ROBO2: variants seen among roughly 807,000 people sequenced by gnomAD.
The protein encoded by ROBO2 is roundabout guidance receptor 2.
ROBO2 carries 53 observed loss-of-function variants against 160.8 expected under a neutral mutation model. The ratio of observed to expected loss-of-function variants is 0.33; its 90% CI spans 0.26 to 0.41. The LOEUF is 0.41. Ranked by LOEUF, ROBO2 falls within the 10% of genes least tolerant of loss-of-function variation. The probability of loss-of-function intolerance (pLI) is 1.00; values close to 1 mark genes in which losing one functional copy is unlikely to be tolerated. For synonymous variants in ROBO2, 664 were observed against 611.7 expected (o/e 1.09, Z -1.26); for missense variants, 1,577 against 1,722.4 (o/e 0.92, Z 1.49).
At chr3:76,977,647 A>G (rs1427116579) in intron 2 of ROBO2, among the ~76,000 whole-genome samples, 2 of 152,238 alleles carry the variant, frequency 1.3e-5, no homozygotes, top group African/African-American at 2.4e-5. Context: ...TTCATTATTA[A>G]ACTTCTGATA....
At chr3:77,457,558 A>G (rs142499680) in intron 2 of ROBO2, among the ~76,000 whole-genome samples, 1 of 152,244 alleles carries the variant, frequency 6.6e-6, no homozygotes, top group African/African-American at 2.4e-5. Flanking sequence ...CTTGATCGGT[A>G]TTATATTAGA....
At chr3:76,328,776 G>C (rs2073231472) in intron 2 of ROBO2, among the ~76,000 whole-genome samples, 1 of 151,940 alleles carries the variant, frequency 6.6e-6, no homozygotes, top group South Asian at 2.1e-4. Context: ...GGAGACTGGC[G>C]TGAACCCGGG....
chr3:76,643,012 G>C (rs2090778374), intron 2 of ROBO2, among the ~76,000 whole-genome samples: 1 of 152,134 alleles, frequency 6.6e-6, no homozygotes, highest in African/African-American at 2.4e-5. Context: ...TGCAAAGAAG[G>C]CTTCAGGTGG....
intron 2 of ROBO2, among the ~76,000 whole-genome samples, chr3:76,081,741 A>T (rs1456758803): frequency 6.6e-6 from 1 of 152,016 alleles, no homozygotes; most frequent in African/African-American, 2.4e-5. Flanking sequence ...TGTCCTTTAA[A>T]GGCCTGTAGG....
At chr3:77,507,990 CA>C (rs2088817207) in intron 5 of ROBO2, among the ~76,000 whole-genome samples, 1 of 151,746 alleles carries the variant, frequency 6.6e-6, no homozygotes, top group African/African-American at 2.4e-5. Flanking sequence ...ATATTAAGGA[CA>C]ATAATGAAAA....
At chr3:75,989,069 T>C (rs892017064) in intron 2 of ROBO2, among the ~76,000 whole-genome samples, 2 of 152,166 alleles carry the variant, frequency 1.3e-5, no homozygotes, top group African/African-American at 4.8e-5. Context: ...TGCTACTCTT[T>C]ATATTTCCAT....
chr3:77,442,229 G>A (rs933440036), intron 2 of ROBO2, among the ~76,000 whole-genome samples: 2 of 151,882 alleles, frequency 1.3e-5, no homozygotes, highest in African/African-American at 2.4e-5. Context: ...GGAGAATGGC[G>A]TGAACCCGGG....
intron 2 of ROBO2, among the ~76,000 whole-genome samples, chr3:77,124,370 T>A (rs1001467011): frequency 2.0e-5 from 3 of 152,112 alleles, no homozygotes; most frequent in African/African-American, 7.2e-5. Context: ...GTAGCGTTTT[T>A]GGACTGTGAG....
intron 22 of ROBO2, among the ~76,000 whole-genome samples, chr3:77,622,025 GT>G (rs2094912402): frequency 6.6e-6 from 1 of 151,976 alleles, no homozygotes; most frequent in Non-Finnish European, 1.5e-5. Flanking sequence ...CAAGTGAAGA[GT>G]TTAATGGTTT....
chr3:76,362,994 G>A (rs7638155), intron 2 of ROBO2, among the ~76,000 whole-genome samples: 19,738 of 151,886 alleles, frequency 0.13, 1,555 homozygotes, highest in African/African-American at 0.22. Flanking sequence ...TTATTTCGAT[G>A]TTTCTTTTTT....
chr3:77,253,160 A>G (rs1395919410), intron 2 of ROBO2, among the ~76,000 whole-genome samples: 3 of 152,046 alleles, frequency 2.0e-5, no homozygotes. Flanking sequence ...TGATTCTGTA[A>G]AAAGTGGATT....
chr3:77,369,249 G>A (rs1006685281), intron 2 of ROBO2, among the ~76,000 whole-genome samples: 5 of 152,140 alleles, frequency 3.3e-5, no homozygotes, highest in African/African-American at 1.2e-4. Flanking sequence ...TTGTTCAAGT[G>A]AGGTGCCTTG....
chr3:76,507,869 G>A (rs1008085024), intron 2 of ROBO2, among the ~76,000 whole-genome samples: 1 of 152,052 alleles, frequency 6.6e-6, no homozygotes, highest in African/African-American at 2.4e-5. Flanking sequence ...TCTCTGATCT[G>A]TCTCTTTCAT....
intron 2 of ROBO2, among the ~76,000 whole-genome samples, chr3:76,136,964 T>C (rs544508036): frequency 6.6e-6 from 1 of 152,076 alleles, no homozygotes; most frequent in Admixed American, 6.6e-5. Flanking sequence ...TGGATTATCA[T>C]AGGAAAGAGG....
At chr3:76,743,632 A>T (rs2093838171) in intron 2 of ROBO2, among the ~76,000 whole-genome samples, 1 of 152,146 alleles carries the variant, frequency 6.6e-6, no homozygotes, top group African/African-American at 2.4e-5. Flanking sequence ...AAAATACATG[A>T]GGTGGTAAAT....
At chr3:76,014,410 G>C (rs1467567815) in intron 2 of ROBO2, among the ~76,000 whole-genome samples, 1 of 152,032 alleles carries the variant, frequency 6.6e-6, no homozygotes, top group Non-Finnish European at 1.5e-5. Flanking sequence ...GCAATTGGCG[G>C]CTGGCCTGGT....
At chr3:76,329,937 G>C (rs2073354325) in intron 2 of ROBO2, among the ~76,000 whole-genome samples, 1 of 152,174 alleles carries the variant, frequency 6.6e-6, no homozygotes, top group Non-Finnish European at 1.5e-5. Flanking sequence ...TCAAAGGCAA[G>C]AGAAGCTGGT....
chr3:76,681,740 G>A (rs1422614345), intron 2 of ROBO2, among the ~76,000 whole-genome samples: 2 of 151,896 alleles, frequency 1.3e-5, no homozygotes, highest in African/African-American at 2.4e-5. Flanking sequence ...ATGAGCTTGC[G>A]AGTGAGAGGT....
chr3:76,324,620 G>A (rs915010639), intron 2 of ROBO2, among the ~76,000 whole-genome samples: 2 of 151,156 alleles, frequency 1.3e-5, no homozygotes, highest in African/African-American at 2.4e-5. Context: ...TAAGATCCAC[G>A]TGAGTCTAAT....
Sources: allele counts gnomAD v4.1 joint callset (sites outside exome capture counted in the v4.1 genomes callset), GRCh38; gene constraint gnomAD v4.1.1; transcripts MANE v1.5; gene names NCBI Gene and HGNC (gene_info 2026-07-23, HGNC 2026-07-21).